MYT1L: variants seen among roughly 807,000 people sequenced by gnomAD.
MYT1L encodes the protein myelin transcription factor 1-like protein.
In MYT1L, 12 loss-of-function variants were observed where a neutral mutation model predicts 126.7. The ratio of observed to expected loss-of-function variants is 0.09; its 90% CI spans 0.06 to 0.15. The LOEUF (loss-of-function observed/expected upper bound fraction) is 0.15. MYT1L is among the 10% of genes least tolerant of loss of function. The pLI, the probability that MYT1L is intolerant of heterozygous loss-of-function variation, is 1.00. For missense variants in MYT1L, 979 were observed against 1,585.2 expected, an observed-to-expected ratio of 0.62 and a Z score of 6.49; for synonymous variants, 541 against 604.2, an observed-to-expected ratio of 0.90 and a Z score of 1.53.
intron 14 of MYT1L, among the ~76,000 whole-genome samples, chr2:1,897,450 CT>C (rs35167347): frequency 0.12 from 18,126 of 147,476 alleles, 1,628 homozygotes; most frequent in African/African-American, 0.26. Flanking sequence ...GCAAACAAAA[CT>C]TTTTTTTTTT....
intron 19 of MYT1L, among the ~76,000 whole-genome samples, chr2:1,850,039 G>T (rs573265812): frequency 2.0e-5 from 3 of 150,536 alleles, no homozygotes; most frequent in Non-Finnish European, 4.4e-5. Flanking sequence ...GGTGAGGGGG[G>T]GGCCATTATC....
intron 4 of MYT1L, among the ~76,000 whole-genome samples, chr2:2,044,457 A>T (rs556304963): frequency 6.6e-6 from 1 of 152,346 alleles, no homozygotes; most frequent in African/African-American, 2.4e-5. Context: ...GACACCCAGA[A>T]GTTCTGATCG....
At chr2:2,208,143 G>A (rs548885304) in intron 2 of MYT1L, among the ~76,000 whole-genome samples, 24 of 152,228 alleles carry the variant, frequency 1.6e-4, no homozygotes, top group East Asian at 3.9e-4. Context: ...CTCTCCAGCC[G>A]TCTCAGGGGA....
chr2:2,295,797 G>C (rs745689088), intron 1 of MYT1L, among the ~76,000 whole-genome samples: 22,156 of 137,818 alleles, frequency 0.16, 2,569 homozygotes, highest in South Asian at 0.25. Flanking sequence ...CAGACAGAGA[G>C]AGAGAGAGAG....
At chr2:2,300,661 C>T (rs189905096) in intron 1 of MYT1L, among the ~76,000 whole-genome samples, 12 of 152,284 alleles carry the variant, frequency 7.9e-5, no homozygotes, top group East Asian at 5.8e-4. Context: ...TTGTCCCATG[C>T]GCATTTTGAG....
At chr2:2,105,858 T>C (rs904406755) in intron 3 of MYT1L, among the ~76,000 whole-genome samples, 5 of 152,208 alleles carry the variant, frequency 3.3e-5, no homozygotes, top group African/African-American at 1.2e-4. Context: ...ATGTGTTTTG[T>C]GGTTCATTTT....
chr2:2,301,400 T>A (rs1020180176), intron 1 of MYT1L, among the ~76,000 whole-genome samples: 1 of 152,222 alleles, frequency 6.6e-6, no homozygotes, highest in African/African-American at 2.4e-5. Flanking sequence ...ATCACTTTAT[T>A]AGAAAGCATT....
chr2:1,857,049 G>A (rs532399802), intron 18 of MYT1L, among the ~76,000 whole-genome samples: 1 of 152,278 alleles, frequency 6.6e-6, no homozygotes, highest in African/African-American at 2.4e-5. Context: ...CACAGGCCTG[G>A]GAGGCAGGGC....
At chr2:1,903,014 A>T (rs2050559820) in intron 14 of MYT1L, 66 bp downstream of exon 14, 10 of 1,428,622 alleles carry the variant, frequency 7.0e-6, no homozygotes, top group Non-Finnish European at 9.9e-6. Flanking sequence ...TAGGACATTG[A>T]TATACACAAC....
chr2:2,033,578 T>A (rs1448502264), intron 4 of MYT1L, among the ~76,000 whole-genome samples: 2 of 152,178 alleles, frequency 1.3e-5, no homozygotes, highest in Non-Finnish European at 2.9e-5. Context: ...AAAATCATTC[T>A]GCAATATGTG....
At chr2:1,841,805 G>C (rs2041763771) in intron 19 of MYT1L, 1 of 152,170 alleles carries the variant, frequency 6.6e-6, no homozygotes, top group Admixed American at 6.5e-5. Flanking sequence ...TCTCAGGTTC[G>C]TGTCTTGGGA....
chr2:1,988,531 G>A (rs553551730), intron 5 of MYT1L, among the ~76,000 whole-genome samples: 1 of 152,348 alleles, frequency 6.6e-6, no homozygotes, highest in Admixed American at 6.5e-5. Flanking sequence ...CACCGTGCGG[G>A]GCAGCAGCAG....
In MYT1L at chr2:1,892,042, T is replaced by A; in HGVS notation, c.2278A>T (p.Thr760Ser). The change falls in exon 15 of 25, where the codon ACG becomes TCG. Residue 760 changes from threonine (T) to serine (S), a missense_variant. By Grantham distance (58) the Thr-to-Ser change is moderately conservative. This residue lies in a region of MYT1L where 141 missense variants were observed against 170.6 expected (regional missense o/e 0.83). Transcript: ENST00000647738. ...ACCTGCCCAGGCGCGCGTACCCGCG[T>A]GGCGCACAGGTCCTGCGGCTTGGTG... is the stretch of plus-strand genomic sequence containing the variant. ...LSTKPQDLCA[T>S]RNPDMEVDEN... 1 of 1,528,524 alleles carries A rather than the reference T, an allele frequency of 6.5e-7. No individual in the cohort carries two copies. Among genetic ancestry groups the A allele is most frequent in the Non-Finnish European group, 8.8e-7 (1 of 1,139,042 alleles). The allele number at this position is 1,528,524 out of a possible 1,614,324, so 94.7% of individuals were successfully genotyped here. A position where few individuals can be genotyped will look rare whatever the true frequency, so the allele number is the denominator to read the frequency against.
At chr2:2,104,641 T>C (rs1176403800) in intron 3 of MYT1L, among the ~76,000 whole-genome samples, 3 of 152,210 alleles carry the variant, frequency 2.0e-5, no homozygotes, top group Middle Eastern at 3.2e-3. Flanking sequence ...TGGCACGAAG[T>C]GCTTTCTGTG....
chr2:2,026,531 T>A (rs1440484423), intron 4 of MYT1L, among the ~76,000 whole-genome samples: 1 of 152,212 alleles, frequency 6.6e-6, no homozygotes, highest in Non-Finnish European at 1.5e-5. Context: ...ACCAGCTAAT[T>A]GCTCACCACC....
chr2:2,040,344 T>C (rs1032289935), intron 4 of MYT1L, among the ~76,000 whole-genome samples: 1 of 152,200 alleles, frequency 6.6e-6, no homozygotes, highest in Admixed American at 6.5e-5. Context: ...TTTCCTTGGC[T>C]ACAGGATGGA....
chr2:1,900,594 C>G (rs1212320147), intron 14 of MYT1L, among the ~76,000 whole-genome samples: 1 of 152,090 alleles, frequency 6.6e-6, no homozygotes, highest in Admixed American at 6.5e-5. Context: ...CCCCCTCGCC[C>G]GGCCAGGAGG....
intron 5 of MYT1L, among the ~76,000 whole-genome samples, chr2:1,994,209 G>A (rs1284431886): frequency 1.3e-5 from 2 of 152,200 alleles, no homozygotes; most frequent in Non-Finnish European, 2.9e-5. Flanking sequence ...GTGAGTGGCC[G>A]AGCCCCTGAC....
At chr2:2,294,284 C>A (rs888224441) in intron 1 of MYT1L, among the ~76,000 whole-genome samples, 4 of 152,146 alleles carry the variant, frequency 2.6e-5, no homozygotes, top group Non-Finnish European at 5.9e-5. Context: ...AGGGGAGCCC[C>A]TGGCATCCTC....
Sources: allele counts gnomAD v4.1 joint callset (sites outside exome capture counted in the v4.1 genomes callset), GRCh38; gene constraint gnomAD v4.1.1; regional missense constraint gnomAD v4.1.1; transcripts MANE v1.5; gene names NCBI Gene and HGNC (gene_info 2026-07-23, HGNC 2026-07-21).